Variants in SCAF1 observed in about 807,000 individuals in gnomAD.
SCAF1 encodes the protein SR-related CTD associated factor 1.
SCAF1 carries 28 observed loss-of-function variants against 91.2 expected under a neutral mutation model. The ratio of observed to expected loss-of-function variants is 0.31; its 90% CI spans 0.23 to 0.42. The LOEUF (loss-of-function observed/expected upper bound fraction) is 0.42. Among genes scored for constraint, SCAF1 ranks in the 10% least tolerant of loss-of-function variants. The pLI is 1.00. For missense variants in SCAF1, 1,893 were observed against 1,872.1 expected (o/e 1.01, Z -0.21); for synonymous variants, 1,036 against 833.7 (o/e 1.24, Z -4.18).
At position 49,652,309 on chromosome 19, in the gene SCAF1, C is replaced by CAAG. The variant is rs771732334; in HGVS notation, c.1933_1935dup (p.Lys645dup). On this transcript the variant is annotated inframe_insertion, in exon 7 of 11. Coordinates refer to ENST00000360565, the MANE Select transcript of SCAF1 (RefSeq NM_021228.3). ...GGAAACACCGGGACGGTGGCGGCAG[C>CAAG]AAGAAGAAGAAGAAGCGGTCGCGGT... is the stretch of plus-strand genomic sequence containing the variant. 3.3e-6 allele frequency: 5 copies of CAAG among 1,531,834 alleles called. No individual in the cohort carries two copies. The highest frequency in any genetic ancestry group is 2.8e-5 in the African/African-American group (2 of 72,264). 94.9% of individuals were successfully genotyped at this position (1,531,834 alleles called of 1,614,324 possible). A position where few individuals can be genotyped will look rare whatever the true frequency, so the allele number is the denominator to read the frequency against.
chr19:49,655,749 C>T (rs2081135096), intron 9 of SCAF1, among the ~76,000 whole-genome samples: 1 of 152,202 alleles, frequency 6.6e-6, no homozygotes, highest in South Asian at 2.1e-4. Flanking sequence ...ACTGTAGCCT[C>T]AGCCTTGATC....
In SCAF1 at chr19:49,652,859, T is replaced by C; in HGVS notation, c.2470T>C (p.Ser824Pro). Reference protein sequence around the residue: ...SSGSGSSSSSSSCSSRKVKLQ... With the variant: ...SSGSGSSSSSPSCSSRKVKLQ... Reference sequence around the variant, plus strand: ...CGGCTCAGGCTCTTCATCCTCGTCGTCCTCCTGTTCTTCCCGGAAGGTGAA... The same window carrying C: ...CGGCTCAGGCTCTTCATCCTCGTCGCCCTCCTGTTCTTCCCGGAAGGTGAA... Residue 824 changes from serine (S) to proline (P), a missense_variant, in exon 7 of 11, where the codon TCC (serine) becomes CCC (proline). Around this residue, in one of 5 missense-constraint regions of SCAF1, gnomAD observed 1,436 missense variants for 1,306.8 expected, o/e 1.10. Transcript: ENST00000360565. 6.2e-7 allele frequency: 1 copy of C among 1,613,948 alleles called. No homozygotes were observed. Among genetic ancestry groups the C allele is most frequent in the East Asian group, 2.2e-5 (1 of 44,862 alleles).
chr19:49,653,454 A>C lies in SCAF1; in HGVS notation c.3065A>C (p.Glu1022Ala). Reference sequence around the variant, plus strand: ...GAGGCTGGGGTCCGAGGTGGGGCGGAGGAGGAGGAGGAGGAAGAAGAAGAG... The same window carrying C: ...GAGGCTGGGGTCCGAGGTGGGGCGGCGGAGGAGGAGGAGGAAGAAGAAGAG... ...TEEAGVRGGA[E>A]EEEEEEEEEE... Residue 1022 changes from glutamate (E) to alanine (A), a missense_variant, in exon 7 of 11, where the codon GAG becomes GCG. By Grantham distance (107) the Glu-to-Ala change is moderately radical. This residue lies in a region of SCAF1 where 1,436 missense variants were observed against 1,306.8 expected (regional missense o/e 1.10). Coordinates refer to ENST00000360565, the MANE Select transcript of SCAF1 (RefSeq NM_021228.3). The C allele has an allele frequency of 1.4e-6, 2 of 1,448,440 alleles. No homozygotes were observed. Among genetic ancestry groups the C allele is most frequent in the Non-Finnish European group, 1.8e-6 (2 of 1,089,208 alleles). 89.7% of individuals were successfully genotyped at this position (1,448,440 alleles called of 1,614,324 possible).
Position 49,658,270 on chromosome 19 carries a change from C to T in SCAF1, c.3810C>T (p.Tyr1270=), listed in dbSNP as rs762611584. 102 of 1,613,344 alleles carry T rather than the reference C, an allele frequency of 6.3e-5. No homozygotes were observed. The highest frequency in any genetic ancestry group is 7.9e-5 in the Non-Finnish European group (93 of 1,179,864). ...AGGTGAGCAACCTGGTGCGGGCCTA[C>T]GTCCAGCGCTACCGCTACTTCCGCA... The part of the protein sequence containing the change: ...PVKVSNLVRA[Y]VQRYRYFRKH... The change falls in exon 11 of 11, where the codon TAC becomes TAT. Residue 1270 remains tyrosine, a synonymous_variant. Transcript: ENST00000360565.
chr19:49,654,779 G>C lies in SCAF1; in HGVS notation c.3527G>C (p.Gly1176Ala), dbSNP rs1231610726. 6.2e-7 allele frequency: 1 copy of C among 1,613,168 alleles called. No homozygotes were observed. Among genetic ancestry groups the C allele is most frequent in the Admixed American group, 1.7e-5 (1 of 59,978 alleles). The change falls in exon 9 of 11, where the codon GGT becomes GCT. Residue 1176 changes from glycine (G) to alanine (A), a missense_variant. Gly to Ala is a moderately conservative substitution (Grantham distance 60). Around this residue, in one of 5 missense-constraint regions of SCAF1, gnomAD observed 1,436 missense variants for 1,306.8 expected, o/e 1.10. Coordinates refer to ENST00000360565, the MANE Select transcript of SCAF1 (RefSeq NM_021228.3). The part of the protein sequence containing the change: ...LPGSLPLGGC[G>A]STPPTPTGLA... ...GGCAGCCTCCCTCTGGGGGGCTGCG[G>C]TTCGACCCCCCCCACCCCCACCGGG...
intron 1 of SCAF1, 176 bp from the exon 2 acceptor site, chr19:49,644,845 T>C: frequency 1.8e-6 from 1 of 563,462 alleles, no homozygotes; most frequent in South Asian, 2.2e-5. Flanking sequence ...GTGTCTGTGC[T>C]GGGTCCAGCG....
intron 6 of SCAF1, among the ~76,000 whole-genome samples, chr19:49,647,142 A>G (rs1003025053): frequency 1.3e-5 from 2 of 152,256 alleles, no homozygotes; most frequent in Admixed American, 1.3e-4. Flanking sequence ...AGAAGCAGAC[A>G]GCCTGAAAAA....
rs575013180 is a variant in SCAF1 at position 49,658,300 on chromosome 19, C to T, written c.3840C>T (p.His1280=). 240 of 1,610,246 alleles carry T rather than the reference C, an allele frequency of 1.5e-4. No homozygotes were observed. Among genetic ancestry groups the T allele is most frequent in the Non-Finnish European group, 1.9e-4 (229 of 1,178,554 alleles). The change falls in exon 11 of 11, where the codon CAC becomes CAT. Residue 1280 remains histidine, a synonymous_variant. Coordinates refer to ENST00000360565, the MANE Select transcript of SCAF1 (RefSeq NM_021228.3). Reference sequence around the variant, plus strand: ...AGCGCTACCGCTACTTCCGCAAGCACGGTCGCAAGCCAGGGGACCCCCCAG... The same window carrying T: ...AGCGCTACCGCTACTTCCGCAAGCATGGTCGCAAGCCAGGGGACCCCCCAG... ...YVQRYRYFRK[H]GRKPGDPPGP... is the part of the protein sequence containing the mutation.
Position 49,653,230 on chromosome 19 carries a change from G to A in SCAF1, c.2841G>A (p.Ala947=), listed in dbSNP as rs745349300. The A allele has an allele frequency of 5.6e-5, 85 of 1,507,208 alleles. 1 individual carries two copies. Among genetic ancestry groups the A allele is most frequent in the Middle Eastern group, 5.3e-4 (3 of 5,692 alleles). 93.4% of individuals were successfully genotyped at this position (1,507,208 alleles called of 1,614,324 possible). The part of the protein sequence containing the change: ...GGQVSLKKSK[A]DSCSQAAGTK... ...AGGTGTCGCTGAAGAAGTCCAAGGCGGATAGCTGCAGCCAGGCGGCAGGCA... is the reference window on the plus strand; with the variant it reads ...AGGTGTCGCTGAAGAAGTCCAAGGCAGATAGCTGCAGCCAGGCGGCAGGCA... The change falls in exon 7 of 11, where the codon GCG becomes GCA. Residue 947 remains alanine (A), a synonymous_variant. Coordinates refer to ENST00000360565, the MANE Select transcript of SCAF1 (RefSeq NM_021228.3).
rs1231118015 is a variant in SCAF1, at chr19:49,654,768, G to A, written c.3516G>A (p.Leu1172=). The A allele has an allele frequency of 1.2e-6, 2 of 1,613,450 alleles. No individual in the cohort carries two copies. The highest frequency in any genetic ancestry group is 2.2e-5 in the East Asian group (1 of 44,874). Residue 1172 remains leucine (L), a synonymous_variant, in exon 9 of 11, where the codon CTG becomes CTA. Transcript: ENST00000360565. ...ACCTGCTTCCTGGCAGCCTCCCTCTGGGGGGCTGCGGTTCGACCCCCCCCA... is the reference window on the plus strand; with the variant it reads ...ACCTGCTTCCTGGCAGCCTCCCTCTAGGGGGCTGCGGTTCGACCCCCCCCA... ...SSYLLPGSLP[L]GGCGSTPPTP...
At chr19:49,642,118 C>G (rs1246128641), upstream of SCAF1, 1 of 152,252 alleles carries the variant, frequency 6.6e-6, no homozygotes, top group Non-Finnish European at 1.5e-5. This position sits in a 1 kb window ranked among gnomAD's most constrained non-coding sequence, Gnocchi z 4.0. Context: ...TCGCCGTGCT[C>G]GGTACTTGAA....
upstream of SCAF1, among the ~76,000 whole-genome samples, chr19:49,641,893 C>T (rs1237312028): frequency 6.6e-6 from 1 of 152,238 alleles, no homozygotes; most frequent in Non-Finnish European, 1.5e-5. Context: ...ACCTCCTGTT[C>T]CGCCACCCTT....
chr19:49,653,452 G>C lies in SCAF1; in HGVS notation c.3063G>C (p.Ala1021=). 6.9e-7 allele frequency: 1 copy of C among 1,459,728 alleles called. No individual in the cohort carries two copies. The highest frequency in any genetic ancestry group is 2.2e-5 in the Admixed American group (1 of 44,720). 90.4% of individuals were successfully genotyped at this position (1,459,728 alleles called of 1,614,324 possible). Residue 1021 remains alanine (A), a synonymous_variant, in exon 7 of 11, where the codon GCG becomes GCC. Transcript: ENST00000360565. ...ATEEAGVRGG[A]EEEEEEEEEE... is the part of the protein sequence containing the mutation. ...AGGAGGCTGGGGTCCGAGGTGGGGC[G>C]GAGGAGGAGGAGGAGGAAGAAGAAG...
In SCAF1 at chr19:49,653,307, T is replaced by C; in HGVS notation, c.2918T>C (p.Val973Ala). Residue 973 changes from valine to alanine, a missense_variant, in exon 7 of 11, where the codon GTT (valine) becomes GCT (alanine). Around this residue, in one of 5 missense-constraint regions of SCAF1, gnomAD observed 1,436 missense variants for 1,306.8 expected, o/e 1.10. Coordinates refer to ENST00000360565, the MANE Select transcript of SCAF1 (RefSeq NM_021228.3). ...TCCGGGGAGGAGCGGGCAGCCAAGG[T>C]TCCTAGCACCCCGCCCCCCAAGGCA... ...SWSGEERAAK[V>A]PSTPPPKAAP... 6.8e-7 allele frequency: 1 copy of C among 1,465,218 alleles called. No individual in the cohort carries two copies. The highest frequency in any genetic ancestry group is 9.0e-7 in the Non-Finnish European group (1 of 1,107,192). 90.8% of individuals were successfully genotyped at this position (1,465,218 alleles called of 1,614,324 possible).
At chr19:49,655,949 G>C (rs574704327) in intron 9 of SCAF1, among the ~76,000 whole-genome samples, 2 of 152,326 alleles carry the variant, frequency 1.3e-5, no homozygotes, top group Non-Finnish European at 2.9e-5. Flanking sequence ...GGGATTATAG[G>C]CATGAGCCAC....
At position 49,646,755 on chromosome 19, in the gene SCAF1, G is replaced by A. The variant is rs775949838; in HGVS notation, c.403G>A (p.Gly135Arg). The A allele has an allele frequency of 3.7e-6, 6 of 1,613,972 alleles. No individual in the cohort carries two copies. The highest frequency in any genetic ancestry group is 4.5e-5 in the East Asian group (2 of 44,870). ...GGAGCTGGTGGCTGAGGTCCGAATC[G>A]GGGACAGAGATCCCATCCCTCTGCC... ...MLELVAEVRI[G>R]DRDPIPLPVP... The change falls in exon 6 of 11, where the codon GGG becomes AGG. Residue 135 changes from glycine (G) to arginine (R), a missense_variant. This residue lies in a region of SCAF1 where 270 missense variants were observed against 292.5 expected (regional missense o/e 0.92). Transcript: ENST00000360565. This position sits in a 1 kb window ranked among gnomAD's most constrained non-coding sequence, Gnocchi z 5.6.
rs2081047343 is a variant in SCAF1, at chr19:49,645,128, T to C, written c.102T>C (p.Phe34=). 6.2e-7 allele frequency: 1 copy of C among 1,613,618 alleles called. No individual in the cohort carries two copies. The highest frequency in any genetic ancestry group is 8.5e-7 in the Non-Finnish European group (1 of 1,179,690). ...DRDPTLSPSA[F]ILRAIQQAVG... ...ACCCCACGCTTTCTCCTTCTGCCTT[T>C]ATCCTGGTGAGGCTGCTGGGCTCCT... Residue 34 remains phenylalanine (F), a synonymous_variant, in exon 2 of 11, where the codon TTT becomes TTC. Coordinates refer to ENST00000360565, the MANE Select transcript of SCAF1 (RefSeq NM_021228.3). The surrounding 1 kb of genome is among the most constrained non-coding windows in gnomAD (Gnocchi z 4.6).
At chr19:49,641,938 G>T (rs1434538195), upstream of SCAF1, among the ~76,000 whole-genome samples, 1 of 152,226 alleles carries the variant, frequency 6.6e-6, no homozygotes, top group Non-Finnish European at 1.5e-5. Context: ...GGGCGTCATC[G>T]CGGGCTACCG....
chr19:49,645,419 G>A lies in SCAF1; in HGVS notation c.166+8G>A, dbSNP rs776678731. The A allele has an allele frequency of 8.7e-6, 14 of 1,612,638 alleles. No individual in the cohort carries two copies. The highest frequency in any genetic ancestry group is 3.3e-5 in the South Asian group (3 of 91,026). ...ACCTGCCCAATGATAAAGGTATGGC[G>A]GCTTCCGGTTCCTTTTAGCCCCTGC... On this transcript the variant is annotated splice_region_variant and intron_variant, in intron 3 of 10. Transcript: ENST00000360565. This position sits in a 1 kb window ranked among gnomAD's most constrained non-coding sequence, Gnocchi z 4.6.
Sources: gnomAD v4.1 joint callset for allele counts (sites outside exome capture counted in the v4.1 genomes callset) on GRCh38, gnomAD v4.1.1 for gene constraint, gnomAD v4.1.1 regional missense constraint, Gnocchi (gnomAD v3.1) non-coding constraint, MANE v1.5 for transcripts, NCBI Gene and HGNC (gene_info 2026-07-23, HGNC 2026-07-21) for gene names.